The following POU2AF2 variants were observed in gnomAD, a reference collection of about 807,000 sequenced individuals.
POU2AF2 encodes the protein POU class 2 homeobox associating factor 2.
the POU2AF2 span, among the ~76,000 whole-genome samples, chr11:111,264,039 G>A: frequency 6.6e-6 from 1 of 152,138 alleles, no homozygotes; most frequent in African/African-American, 2.4e-5. Flanking sequence ...GAAATTCATT[G>A]CCCTTAAGAA....
the POU2AF2 span, among the ~76,000 whole-genome samples, chr11:111,251,431 A>G: frequency 1.1e-4 from 16 of 152,344 alleles, no homozygotes; most frequent in African/African-American, 3.8e-4. Context: ...GATGTCTACT[A>G]GACATCCAAT....
chr11:111,284,471 G>C, the POU2AF2 span: 1 of 1,408,166 alleles, frequency 7.1e-7, no homozygotes. Flanking sequence ...TTGAAGCCAG[G>C]TCTGGCTCAC....
the POU2AF2 span, among the ~76,000 whole-genome samples, chr11:111,259,186 C>T: frequency 6.6e-6 from 1 of 152,124 alleles, no homozygotes; most frequent in Non-Finnish European, 1.5e-5. Context: ...GACACACTAA[C>T]CCCGAGATTG....
the POU2AF2 span, among the ~76,000 whole-genome samples, chr11:111,272,041 G>A: frequency 1.3e-5 from 2 of 152,072 alleles, no homozygotes; most frequent in Non-Finnish European, 1.5e-5. Flanking sequence ...TTATAACCTG[G>A]TTCCTGCATC....
chr11:111,284,545 C>T, the POU2AF2 span, among the ~76,000 whole-genome samples: 2 of 152,222 alleles, frequency 1.3e-5, no homozygotes, highest in Non-Finnish European at 2.9e-5. Context: ...CCGAGGGAGC[C>T]TTGTTCAAGG....
the POU2AF2 span, among the ~76,000 whole-genome samples, chr11:111,254,960 G>T: frequency 2.0e-5 from 3 of 152,134 alleles, no homozygotes; most frequent in African/African-American, 7.2e-5. Flanking sequence ...AAACATCTTA[G>T]AATTCCTCTA....
the POU2AF2 span, among the ~76,000 whole-genome samples, chr11:111,247,909 C>T: frequency 6.8e-5 from 8 of 116,864 alleles, no homozygotes; most frequent in Non-Finnish European, 6.6e-5. Flanking sequence ...GACGGAGTCT[C>T]GCTTTGTCGC....
At chr11:111,276,011 G>A in the POU2AF2 span, among the ~76,000 whole-genome samples, 2 of 152,112 alleles carry the variant, frequency 1.3e-5, no homozygotes, top group Non-Finnish European at 2.9e-5. Context: ...AAGGGATTTT[G>A]AGGATAATAG....
chr11:111,259,385 G>A, the POU2AF2 span, among the ~76,000 whole-genome samples: 3 of 147,048 alleles, frequency 2.0e-5, no homozygotes, highest in Non-Finnish European at 4.4e-5. Context: ...GCACAATCTC[G>A]GCTCACTGCA....
At chr11:111,248,575 T>A in the POU2AF2 span, among the ~76,000 whole-genome samples, 1 of 152,226 alleles carries the variant, frequency 6.6e-6, no homozygotes, top group East Asian at 1.9e-4. Context: ...TTCTCTACCA[T>A]CTTAATTGTG....
the POU2AF2 span, among the ~76,000 whole-genome samples, chr11:111,271,429 C>G: frequency 6.6e-6 from 1 of 151,148 alleles, no homozygotes; most frequent in Non-Finnish European, 1.5e-5. Context: ...TTTTTCTTTT[C>G]TTTTTTTTCT....
chr11:111,261,284 CACACACACAT>C, the POU2AF2 span, among the ~76,000 whole-genome samples: 81 of 142,544 alleles, frequency 5.7e-4, no homozygotes, highest in Middle Eastern at 0.011. Flanking sequence ...CACACACACA[CACACACACAT>C]AATTAAGTTC....
At chr11:111,248,569 C>T in the POU2AF2 span, among the ~76,000 whole-genome samples, 1 of 152,220 alleles carries the variant, frequency 6.6e-6, no homozygotes, top group Non-Finnish European at 1.5e-5. Context: ...GAGACATTCT[C>T]TACCATCTTA....
At chr11:111,286,258 G>A in the POU2AF2 span, 4 of 564,376 alleles carry the variant, frequency 7.1e-6, no homozygotes, top group Non-Finnish European at 1.2e-5. Flanking sequence ...ATGTGTCAGA[G>A]ACCGTATTCT....
chr11:111,276,291 A>G, the POU2AF2 span, among the ~76,000 whole-genome samples: 13 of 151,636 alleles, frequency 8.6e-5, no homozygotes, highest in African/African-American at 3.1e-4. Context: ...CACAAAGAAT[A>G]ACTGAAAGAC....
At chr11:111,268,485 TTA>T in the POU2AF2 span, among the ~76,000 whole-genome samples, 16 of 29,740 alleles carry the variant, frequency 5.4e-4, 2 homozygotes, top group South Asian at 1.9e-3. Context: ...TTTTTTTATT[TTA>T]TTTTATTTTA....
At chr11:111,283,058 CTTTT>C in the POU2AF2 span, among the ~76,000 whole-genome samples, 1 of 118,454 alleles carries the variant, frequency 8.4e-6, no homozygotes, top group Non-Finnish European at 1.7e-5. Flanking sequence ...AAACTTTTTA[CTTTT>C]TTTTTTTTTT....
At chr11:111,256,834 A>G in the POU2AF2 span, among the ~76,000 whole-genome samples, 1 of 152,354 alleles carries the variant, frequency 6.6e-6, no homozygotes, top group East Asian at 1.9e-4. Context: ...ACTCACCTTC[A>G]TCCACGTAAT....
chr11:111,273,131 G>A, the POU2AF2 span, among the ~76,000 whole-genome samples: 57 of 152,272 alleles, frequency 3.7e-4, no homozygotes, highest in African/African-American at 1.4e-3. Flanking sequence ...GTTTGAGATA[G>A]TTTAGCCAAC....
Sources: allele counts gnomAD v4.1 joint callset (sites outside exome capture counted in the v4.1 genomes callset), GRCh38; gene constraint gnomAD v4.1.1; transcripts MANE v1.5; gene names NCBI Gene and HGNC (gene_info 2026-07-23, HGNC 2026-07-21).